FRMD4A: variants seen among roughly 807,000 people sequenced by gnomAD.
FRMD4A encodes FERM domain-containing protein 4A.
FRMD4A carries 29 observed loss-of-function variants against 129.1 expected under a neutral mutation model. The ratio of observed to expected loss-of-function variants is 0.22; its 90% CI spans 0.17 to 0.31. The LOEUF (loss-of-function observed/expected upper bound fraction) is 0.31. Among genes scored for constraint, FRMD4A ranks in the 10% least tolerant of loss-of-function variants. The probability of loss-of-function intolerance (pLI) is 1.00; values close to 1 mark genes in which losing one functional copy is unlikely to be tolerated. For synonymous variants in FRMD4A, 634 were observed against 571.6 expected, an observed-to-expected ratio of 1.11 and a Z score of -1.56; for missense variants, 1,272 against 1,375.8, an observed-to-expected ratio of 0.92 and a Z score of 1.19.
At chr10:13,904,731 G>C (rs1165781368) in intron 2 of FRMD4A, among the ~76,000 whole-genome samples, 1 of 152,144 alleles carries the variant, frequency 6.6e-6, no homozygotes, top group African/African-American at 2.4e-5. Flanking sequence ...AGAAAGCAGC[G>C]TTTGTAATCC....
chr10:13,701,444 C>G lies in FRMD4A; in HGVS notation c.871G>C (p.Gly291Arg), dbSNP rs368993550. ...SVTRRTFGHSGIAVHTWYACP... is the reference protein window; with the variant it reads ...SVTRRTFGHSRIAVHTWYACP... Reference sequence around the variant, plus strand: ...GCATACCACGTGTGCACTGCAATGCCGCTGTGCCCAAACGTCCTCCTTGTC... The same window carrying G: ...GCATACCACGTGTGCACTGCAATGCGGCTGTGCCCAAACGTCCTCCTTGTC... The change falls in exon 14 of 25, where the codon GGC (glycine) becomes CGC (arginine). Residue 291 changes from glycine (G) to arginine (R), a missense_variant. Physicochemically the swap from Gly to Arg is moderately radical, Grantham distance 125 (BLOSUM62 -2). Coordinates refer to ENST00000357447, the MANE Select transcript of FRMD4A (RefSeq NM_018027.5). 9.9e-6 allele frequency: 16 copies of G among 1,613,592 alleles called. No homozygotes were observed. Among genetic ancestry groups the G allele is most frequent in the Non-Finnish European group, 1.3e-5 (15 of 1,179,636 alleles).
At chr10:14,008,103 A>C (rs761565827) in intron 2 of FRMD4A, 1 of 1,301,832 alleles carries the variant, frequency 7.7e-7, no homozygotes, top group South Asian at 1.2e-5. Flanking sequence ...AGGAATTTTC[A>C]GTAAAAGTCT....
intron 3 of FRMD4A, among the ~76,000 whole-genome samples, chr10:13,822,076 CAT>C (rs908807492): frequency 6.6e-6 from 1 of 152,120 alleles, no homozygotes; most frequent in African/African-American, 2.4e-5. Context: ...TACACACACA[CAT>C]ATGTACACAC....
At chr10:13,686,438 A>G (rs2085093164) in intron 15 of FRMD4A, among the ~76,000 whole-genome samples, 1 of 152,200 alleles carries the variant, frequency 6.6e-6, no homozygotes, top group African/African-American at 2.4e-5. Flanking sequence ...TTGTTACATT[A>G]GTTATTAATA....
At chr10:13,684,423 CTG>C in intron 15 of FRMD4A, 1 of 985,256 alleles carries the variant, frequency 1.0e-6, no homozygotes, top group African/African-American at 1.7e-5. Context: ...GCCTGTGTCA[CTG>C]TGGGTTTCCC....
intron 5 of FRMD4A, among the ~76,000 whole-genome samples, chr10:13,794,509 G>C (rs1361882974): frequency 1.3e-5 from 2 of 152,108 alleles, no homozygotes; most frequent in African/African-American, 4.8e-5. Context: ...ACCATGGAAG[G>C]TCAAGGGAGG....
intron 5 of FRMD4A, among the ~76,000 whole-genome samples, chr10:13,786,306 TTTGA>T (rs1467699687): frequency 6.6e-6 from 1 of 152,224 alleles, no homozygotes; most frequent in African/African-American, 2.4e-5. Flanking sequence ...TTTTTAATGA[TTTGA>T]TTTTCAAAAA....
chr10:13,838,912 G>C lies in FRMD4A; in HGVS notation c.111+19935C>G, dbSNP rs1342492948. Among the ~76,000 whole-genome samples, 8 of 149,566 alleles carry C rather than the reference G, an allele frequency of 5.3e-5. No homozygotes were observed. The East Asian group carries it at 1.6e-3, about 30-fold the overall frequency. On this transcript the variant is annotated intron_variant, in intron 3 of 24. Transcript: ENST00000357447. ...AAATACTGACCTTAACCAGGACATT[G>C]AATAAAAACCATCCAATGATGATTA...
intron 2 of FRMD4A, among the ~76,000 whole-genome samples, chr10:13,876,172 C>T (rs1293108487): frequency 1.3e-5 from 2 of 152,216 alleles, no homozygotes; most frequent in South Asian, 2.1e-4. Context: ...AAGATCCCTT[C>T]CCTTCCTCTC....
chr10:14,250,461 A>C (rs960494798), intron 2 of FRMD4A, among the ~76,000 whole-genome samples: 2 of 152,290 alleles, frequency 1.3e-5, no homozygotes, highest in African/African-American at 2.4e-5. Context: ...GGATTTTCCA[A>C]TTAAGGGGAA....
intron 2 of FRMD4A, among the ~76,000 whole-genome samples, chr10:14,201,940 C>T (rs904499953): frequency 2.5e-4 from 38 of 151,886 alleles, no homozygotes; most frequent in African/African-American, 8.2e-4. Context: ...ACCAGCCTGG[C>T]CAACATGGTG....
intron 2 of FRMD4A, among the ~76,000 whole-genome samples, chr10:14,093,552 C>T (rs1402226426): frequency 6.6e-6 from 1 of 152,216 alleles, no homozygotes; most frequent in Non-Finnish European, 1.5e-5. Context: ...AATGCTCACA[C>T]CCACTCATAC....
At chr10:14,148,953 C>A (rs144294899) in intron 2 of FRMD4A, among the ~76,000 whole-genome samples, 682 of 152,234 alleles carry the variant, frequency 4.5e-3, no homozygotes, top group Non-Finnish European at 7.7e-3. Context: ...AATATGGATG[C>A]TCACACACTT....
chr10:13,884,881 G>A (rs1010415496), intron 2 of FRMD4A, among the ~76,000 whole-genome samples: 1 of 152,160 alleles, frequency 6.6e-6, no homozygotes, highest in Non-Finnish European at 1.5e-5. Flanking sequence ...ATTTGTCCAC[G>A]TATACTACTT....
At chr10:13,782,504 C>T (rs1159915302) in intron 6 of FRMD4A, among the ~76,000 whole-genome samples, 6 of 149,638 alleles carry the variant, frequency 4.0e-5, no homozygotes, top group South Asian at 4.2e-4. Context: ...AGTGCAGTGG[C>T]GTGATCTTAG....
At chr10:14,222,457 G>A (rs946899303) in intron 2 of FRMD4A, among the ~76,000 whole-genome samples, 4 of 152,206 alleles carry the variant, frequency 2.6e-5, no homozygotes, top group Non-Finnish European at 5.9e-5. Flanking sequence ...CATCTTTGGA[G>A]AGCAGAAGAT....
At chr10:13,987,050 C>T (rs570171343) in intron 2 of FRMD4A, among the ~76,000 whole-genome samples, 1 of 152,268 alleles carries the variant, frequency 6.6e-6, no homozygotes, top group Non-Finnish European at 1.5e-5. Flanking sequence ...AGCCATAGAT[C>T]TAGGCCCTCA....
At chr10:14,052,363 T>C (rs913410646) in intron 2 of FRMD4A, among the ~76,000 whole-genome samples, 3 of 152,248 alleles carry the variant, frequency 2.0e-5, no homozygotes, top group Admixed American at 6.5e-5. Context: ...TATAAAGGAG[T>C]ACCTGAAGCT....
In FRMD4A at chr10:13,644,484, T is replaced by G. The variant is rs570273300; in HGVS notation, c.*2554A>C. On this transcript the variant is annotated 3_prime_UTR_variant, in exon 25 of 25. Coordinates refer to ENST00000357447, the MANE Select transcript of FRMD4A (RefSeq NM_018027.5). ...CTCTGTCTTGACTACCAGACTATCATGATGTTTGTTGGAACTGTAATTCCT... is the reference window on the plus strand; with the variant it reads ...CTCTGTCTTGACTACCAGACTATCAGGATGTTTGTTGGAACTGTAATTCCT... 12 of 152,344 alleles carry G rather than the reference T, an allele frequency of 7.9e-5. No homozygotes were observed. Among genetic ancestry groups the G allele is most frequent in the Non-Finnish European group, 1.5e-4 (10 of 68,028 alleles). The allele number at this position is 152,344 out of a possible 1,614,324, so 9.4% of individuals were successfully genotyped here.
Sources: allele counts gnomAD v4.1 joint callset (sites outside exome capture counted in the v4.1 genomes callset), GRCh38; gene constraint gnomAD v4.1.1; transcripts MANE v1.5; gene names NCBI Gene and HGNC (gene_info 2026-07-23, HGNC 2026-07-21).